Variants in PAIP2 observed in about 807,000 individuals in gnomAD.
PAIP2 encodes the protein polyadenylate-binding protein-interacting protein 2.
PAIP2 carries 7 observed loss-of-function variants against 14.8 expected under a neutral mutation model. The ratio of observed to expected loss-of-function variants is 0.47; its 90% CI spans 0.27 to 0.89. PAIP2 has a LOEUF of 0.89. Among genes scored for constraint, PAIP2 ranks in the 40% least tolerant of loss-of-function variants. PAIP2 has a pLI of 0.13. For synonymous variants in PAIP2, 47 were observed against 45.3 expected (o/e 1.04, Z -0.15); for missense variants, 122 against 154.7 (o/e 0.79, Z 1.12).
chr5:139,351,348 T>A (rs1276409678), intron 1 of PAIP2, among the ~76,000 whole-genome samples: 4 of 151,230 alleles, frequency 2.6e-5, no homozygotes, highest in Admixed American at 2.6e-4. Flanking sequence ...AGCAAGATTG[T>A]GTGTAATGGC....
chr5:139,355,216 C>G (rs1214903882), intron 1 of PAIP2, among the ~76,000 whole-genome samples: 2 of 142,074 alleles, frequency 1.4e-5, no homozygotes, highest in African/African-American at 5.3e-5. Context: ...GTTGCCCAGG[C>G]TGGAGTGCAG....
intron 1 of PAIP2, 32 bp from the exon 2 acceptor site, chr5:139,363,727 A>G (rs1019539756): frequency 3.5e-5 from 55 of 1,583,132 alleles, no homozygotes; most frequent in Non-Finnish European, 4.5e-5. Context: ...CTGAATGAGT[A>G]AGTAAATTAA....
At chr5:139,352,936 A>G (rs957563366) in intron 1 of PAIP2, among the ~76,000 whole-genome samples, 2 of 151,638 alleles carry the variant, frequency 1.3e-5, no homozygotes, top group Non-Finnish European at 2.9e-5. Context: ...ACCAACGTGG[A>G]GAAACTCCCG....
intron 1 of PAIP2, among the ~76,000 whole-genome samples, chr5:139,353,030 C>T (rs937642363): frequency 3.3e-5 from 5 of 151,382 alleles, no homozygotes; most frequent in Non-Finnish European, 5.9e-5. Context: ...GCAGGACAAT[C>T]GTTTGAACCC....
chr5:139,366,147 G>A (rs1200430312), intron 3 of PAIP2, among the ~76,000 whole-genome samples: 1 of 139,236 alleles, frequency 7.2e-6, no homozygotes, highest in Admixed American at 7.9e-5. Flanking sequence ...AGGTTGTGGT[G>A]AACCAAGATG....
chr5:139,353,043 G>T (rs531429551), intron 1 of PAIP2, among the ~76,000 whole-genome samples: 1 of 151,854 alleles, frequency 6.6e-6, no homozygotes, highest in African/African-American at 2.4e-5. Flanking sequence ...TTGAACCCAG[G>T]GGAGATGGAG....
At chr5:139,363,704 G>A in intron 1 of PAIP2, 55 bp from the exon 2 acceptor site, 1 of 1,514,410 alleles carries the variant, frequency 6.6e-7, no homozygotes, top group Non-Finnish European at 9.0e-7. Flanking sequence ...CCTTGTCTCA[G>A]AAAGAAAAAA....
chr5:139,358,542 G>C (rs1478900373), intron 1 of PAIP2, among the ~76,000 whole-genome samples: 3 of 151,992 alleles, frequency 2.0e-5, no homozygotes, highest in Non-Finnish European at 4.4e-5. Flanking sequence ...AACTGAAAAC[G>C]TGCTCATATA....
intron 3 of PAIP2, among the ~76,000 whole-genome samples, chr5:139,367,028 C>T (rs578260823): frequency 1.7e-4 from 26 of 152,220 alleles, no homozygotes; most frequent in African/African-American, 5.8e-4. Flanking sequence ...CCGCTGCCCT[C>T]CAGTCTAAGC....
In PAIP2 at chr5:139,358,709, A is replaced by C. The variant is rs182766224; in HGVS notation, c.-26-5050A>C. Among the ~76,000 whole-genome samples the C allele has an allele frequency of 1.2e-3, 178 of 152,368 alleles. 1 individual carries two copies. The highest frequency in any genetic ancestry group is 2.1e-3 in the Non-Finnish European group (146 of 68,034). On this transcript the variant is annotated intron_variant, in intron 1 of 3. Coordinates refer to ENST00000265192, the MANE Select transcript of PAIP2 (RefSeq NM_016480.5). The stretch of plus-strand genomic sequence containing the variant: ...GAATGAAATGCTGATACATGCTACA[A>C]CATAGGTGAACCTTGAAAACATTGT...
At chr5:139,348,903 T>C (rs2152046044) in intron 1 of PAIP2, among the ~76,000 whole-genome samples, 1 of 149,756 alleles carries the variant, frequency 6.7e-6, no homozygotes, top group East Asian at 2.0e-4. Flanking sequence ...CTTGAACTCC[T>C]GACCTCAGGT....
At chr5:139,359,044 A>ATG (rs1756996989) in intron 1 of PAIP2, among the ~76,000 whole-genome samples, 1 of 151,998 alleles carries the variant, frequency 6.6e-6, no homozygotes, top group Non-Finnish European at 1.5e-5. Context: ...GCGTGCGATC[A>ATG]TGGCTCTCTG....
chr5:139,366,826 CA>C (rs1207548600), intron 3 of PAIP2, among the ~76,000 whole-genome samples: 1 of 152,076 alleles, frequency 6.6e-6, no homozygotes, highest in African/African-American at 2.4e-5. Context: ...TTTGGGAGGC[CA>C]AAGTGGGAAG....
At chr5:139,350,186 A>T (rs900325587) in intron 1 of PAIP2, among the ~76,000 whole-genome samples, 2 of 151,882 alleles carry the variant, frequency 1.3e-5, no homozygotes, top group East Asian at 3.9e-4. Context: ...AAAAAAAAAA[A>T]AAAAAAGTTA....
At chr5:139,347,377 G>C (rs191425499) in intron 1 of PAIP2, among the ~76,000 whole-genome samples, 3 of 148,690 alleles carry the variant, frequency 2.0e-5, no homozygotes, top group Non-Finnish European at 4.4e-5. Flanking sequence ...GAGTTCAAGC[G>C]ATTCTCCTGC....
intron 1 of PAIP2, among the ~76,000 whole-genome samples, chr5:139,362,974 C>T (rs553677250): frequency 7.2e-5 from 11 of 152,210 alleles, no homozygotes; most frequent in Admixed American, 2.0e-4. Context: ...GGCGTGGTGG[C>T]GCACACCTAT....
At chr5:139,366,750 C>G (rs1353968135) in intron 3 of PAIP2, among the ~76,000 whole-genome samples, 2 of 152,144 alleles carry the variant, frequency 1.3e-5, no homozygotes, top group Non-Finnish European at 2.9e-5. Flanking sequence ...TCTGTTGCTC[C>G]CAGAAAATTG....
At chr5:139,357,858 C>A (rs534398746) in intron 1 of PAIP2, among the ~76,000 whole-genome samples, 1 of 152,086 alleles carries the variant, frequency 6.6e-6, no homozygotes, top group Non-Finnish European at 1.5e-5. Flanking sequence ...ATTGATATTG[C>A]TACCTCCAAC....
At chr5:139,364,099 C>T (rs1366716282) in intron 2 of PAIP2, 177 bp downstream of exon 2, 2 of 604,974 alleles carry the variant, frequency 3.3e-6, no homozygotes, top group Non-Finnish European at 5.7e-6. Context: ...ACGGAAATAA[C>T]CTGGGGAGCT....
Sources: allele counts gnomAD v4.1 joint callset (sites outside exome capture counted in the v4.1 genomes callset), GRCh38; gene constraint gnomAD v4.1.1; transcripts MANE v1.5; gene names NCBI Gene and HGNC (gene_info 2026-07-23, HGNC 2026-07-21).